The following ARHGAP44 variants were observed in gnomAD, a reference collection of about 807,000 sequenced individuals.
ARHGAP44 encodes the protein rho GTPase-activating protein 44.
In ARHGAP44, 43 loss-of-function variants were observed where a neutral mutation model predicts 106.8. The ratio of observed to expected loss-of-function variants is 0.40; its 90% CI spans 0.32 to 0.52. The LOEUF is 0.52. Ranked by LOEUF, ARHGAP44 falls within the 20% of genes least tolerant of loss-of-function variation. ARHGAP44 has a pLI of 0.48. For synonymous variants in ARHGAP44, 439 were observed against 410.3 expected, an observed-to-expected ratio of 1.07 and a Z score of -0.85; for missense variants, 866 against 1,050.5, an observed-to-expected ratio of 0.82 and a Z score of 2.43.
intron 16 of ARHGAP44, among the ~76,000 whole-genome samples, chr17:12,967,577 C>G (rs553798041): frequency 6.6e-6 from 1 of 151,990 alleles, no homozygotes; most frequent in African/African-American, 2.4e-5. Flanking sequence ...CTTCTCACTT[C>G]GAGTAAAAGG....
intron 19 of ARHGAP44, among the ~76,000 whole-genome samples, chr17:12,980,555 GA>G (rs1414111910): frequency 6.6e-6 from 1 of 152,120 alleles, no homozygotes; most frequent in Non-Finnish European, 1.5e-5. Flanking sequence ...TCTGTCATTT[GA>G]AAAGCTGTAT....
At chr17:12,934,812 C>A (rs2038498807) in intron 7 of ARHGAP44, among the ~76,000 whole-genome samples, 1 of 152,124 alleles carries the variant, frequency 6.6e-6, no homozygotes, top group South Asian at 2.1e-4. Context: ...CAATGATGCA[C>A]CAATACAGGT....
intron 19 of ARHGAP44, among the ~76,000 whole-genome samples, chr17:12,983,538 C>T (rs930101972): frequency 6.6e-5 from 10 of 152,280 alleles, no homozygotes; most frequent in Admixed American, 4.6e-4. Flanking sequence ...GGCGTGGTGG[C>T]TTACGCCTGT....
intron 1 of ARHGAP44, among the ~76,000 whole-genome samples, chr17:12,882,879 A>G (rs2036780351): frequency 6.6e-6 from 1 of 152,040 alleles, no homozygotes; most frequent in South Asian, 2.1e-4. Context: ...TTTTCTAATT[A>G]TGGTATCCAG....
rs765303456 is a variant in ARHGAP44 at position 12,980,210 on chromosome 17, A to G, written c.1916A>G (p.Gln639Arg). Residue 639 changes from glutamine to arginine, a missense_variant, in exon 19 of 21, where the codon CAG (glutamine) becomes CGG (arginine). Around this residue, in one of 2 missense-constraint regions of ARHGAP44, gnomAD observed 418 missense variants for 403.6 expected, o/e 1.04. Transcript: ENST00000379672. ...SPSPSQPPAD[Q>R]SPHTLRKVSK... ...AGCCCCAGCCAGCCGCCTGCAGACC[A>G]GAGTCCTCACACCCTCCGGAAAGGT... The G allele has an allele frequency of 6.2e-7, 1 of 1,613,180 alleles. No individual in the cohort carries two copies. The highest frequency in any genetic ancestry group is 2.2e-5 in the East Asian group (1 of 44,862).
intron 1 of ARHGAP44, among the ~76,000 whole-genome samples, chr17:12,867,390 T>C (rs2036264479): frequency 6.6e-6 from 1 of 152,214 alleles, no homozygotes; most frequent in Admixed American, 6.5e-5. Context: ...GTGGGAGGCA[T>C]GTAAAGAGTA....
At chr17:12,882,558 A>G (rs12941991) in intron 1 of ARHGAP44, among the ~76,000 whole-genome samples, 35,248 of 152,016 alleles carry the variant, frequency 0.23, 4,757 homozygotes, top group Non-Finnish European at 0.31. Context: ...CCCCAAGGGC[A>G]TGTTTTTAAC....
chr17:12,842,860 A>G (rs867678948), intron 1 of ARHGAP44, among the ~76,000 whole-genome samples: 10 of 152,222 alleles, frequency 6.6e-5, no homozygotes, highest in African/African-American at 2.4e-4. Flanking sequence ...ATGTGGAAAT[A>G]GCCCATTTAA....
intron 7 of ARHGAP44, among the ~76,000 whole-genome samples, chr17:12,938,990 T>G (rs1024433323): frequency 1.3e-5 from 2 of 152,224 alleles, no homozygotes; most frequent in African/African-American, 4.8e-5. Flanking sequence ...GGGCCTTCTT[T>G]CCTTTCCTCT....
chr17:12,797,166 T>C (rs2033949300), intron 1 of ARHGAP44, among the ~76,000 whole-genome samples: 1 of 152,178 alleles, frequency 6.6e-6, no homozygotes, highest in Non-Finnish European at 1.5e-5. Flanking sequence ...TAAGTCTATC[T>C]ATTTGTGGTT....
At chr17:12,896,335 G>A (rs1183570225) in intron 2 of ARHGAP44, 72 bp from the exon 3 acceptor site, 4 of 1,294,528 alleles carry the variant, frequency 3.1e-6, no homozygotes, top group Non-Finnish European at 4.3e-6. Context: ...AGTTGTGATT[G>A]TCCACACCCA....
At chr17:12,920,171 C>G (rs1446557872) in intron 6 of ARHGAP44, among the ~76,000 whole-genome samples, 6 of 151,960 alleles carry the variant, frequency 3.9e-5, no homozygotes, top group African/African-American at 9.7e-5. Context: ...GTCAAGAGAT[C>G]GAGACCATCC....
Position 12,916,674 on chromosome 17 carries a change from C to T in ARHGAP44, c.387+663C>T, listed in dbSNP as rs117381529. Among the ~76,000 whole-genome samples, 576 of 152,282 alleles carry T rather than the reference C, an allele frequency of 3.8e-3. 20 individuals carry two copies. In the East Asian group the frequency reaches 0.066, roughly 18 times the overall value. ...TGCTGGGATTATAGGCGTGAGCCAT[C>T]GTGCCCAGCTGCAGTGTATGTTTAT... On this transcript the variant is annotated intron_variant, in intron 5 of 20. Transcript: ENST00000379672.
intron 1 of ARHGAP44, among the ~76,000 whole-genome samples, chr17:12,848,940 C>T (rs186483991): frequency 1.9e-3 from 283 of 151,674 alleles, no homozygotes; most frequent in African/African-American, 6.4e-3. Flanking sequence ...CCCAGCTACT[C>T]GGGAGGCTGA....
chr17:12,816,902 C>G (rs1354719543), intron 1 of ARHGAP44, among the ~76,000 whole-genome samples: 1 of 152,124 alleles, frequency 6.6e-6, no homozygotes, highest in Non-Finnish European at 1.5e-5. Flanking sequence ...ACACTGTAAA[C>G]CAACTGGATC....
At chr17:12,951,196 G>A (rs1019920958) in intron 12 of ARHGAP44, among the ~76,000 whole-genome samples, 2 of 152,188 alleles carry the variant, frequency 1.3e-5, no homozygotes, top group Admixed American at 6.5e-5. Context: ...TTAGAGACTT[G>A]ACATTGTTTT....
In ARHGAP44 at chr17:12,808,728, C is replaced by T. The variant is rs138721171; in HGVS notation, c.53+18837C>T. Among the ~76,000 whole-genome samples, 80 of 152,300 alleles carry T rather than the reference C, an allele frequency of 5.3e-4. No individual in the cohort carries two copies. The East Asian group carries it at 0.013, about 25-fold the overall frequency. The stretch of plus-strand genomic sequence containing the variant: ...GAAGACCTCTGATATGCCCTGGGGA[C>T]ATTTTCTCCATTGTCTTGGTGATTA... On this transcript the variant is annotated intron_variant, in intron 1 of 20. Transcript: ENST00000379672.
chr17:12,806,633 G>A (rs1050921558), intron 1 of ARHGAP44, among the ~76,000 whole-genome samples: 8 of 152,168 alleles, frequency 5.3e-5, no homozygotes, highest in African/African-American at 1.9e-4. Context: ...TATGAGCATG[G>A]ATTCTGATGT....
chr17:12,877,675 G>T (rs898121588), intron 1 of ARHGAP44, among the ~76,000 whole-genome samples: 1 of 151,976 alleles, frequency 6.6e-6, no homozygotes, highest in South Asian at 2.1e-4. Context: ...GCATGAACCC[G>T]GGAGGCGGAG....
Sources: gnomAD v4.1 joint callset for allele counts (sites outside exome capture counted in the v4.1 genomes callset) on GRCh38, gnomAD v4.1.1 for gene constraint, gnomAD v4.1.1 regional missense constraint, MANE v1.5 for transcripts, NCBI Gene and HGNC (gene_info 2026-07-23, HGNC 2026-07-21) for gene names.